NPIPB4: variants seen among roughly 807,000 people sequenced by gnomAD.
The protein encoded by NPIPB4 is nuclear pore complex interacting protein family member B4.
For missense variants in NPIPB4, 105 were observed against 513.7 expected (o/e 0.20, Z 7.69); for synonymous variants, 31 against 194.1 (o/e 0.16, Z 6.99).
chr16:21,845,944 G>A (rs1317930868), intron 3 of NPIPB4, among the ~76,000 whole-genome samples: 1 of 139,668 alleles, frequency 7.2e-6, no homozygotes, highest in Non-Finnish European at 1.5e-5. Flanking sequence ...GGGAGGCTGA[G>A]GTTGGTGGAT....
intron 5 of NPIPB4, among the ~76,000 whole-genome samples, chr16:21,843,121 T>C (rs1597913658): frequency 9.9e-6 from 1 of 101,212 alleles, no homozygotes; most frequent in Non-Finnish European, 1.9e-5. Flanking sequence ...AAGCTCCATC[T>C]CAGGAAAAAA....
intron 2 of NPIPB4, among the ~76,000 whole-genome samples, chr16:21,850,599 G>C (rs1902434438): frequency 7.8e-6 from 1 of 128,358 alleles, no homozygotes; most frequent in African/African-American, 3.1e-5. Flanking sequence ...TTGAACCCCA[G>C]AAGCGGAGGT....
At position 21,835,896 on chromosome 16, in the gene NPIPB4, C is replaced by T. The variant is rs1345272096; in HGVS notation, c.2491G>A (p.Glu831Lys). 2 of 1,256,324 alleles carry T rather than the reference C, an allele frequency of 1.6e-6. 1 individual carries two copies. The highest frequency in any genetic ancestry group is 5.5e-5 in the East Asian group (2 of 36,368). 77.8% of individuals were successfully genotyped at this position (1,256,324 alleles called of 1,614,324 possible). ...GGTGGAAGCGGCCCCCGCAGACGCT[C>T]CCCGCAGACGCTCGGCAGGTGTCTT... ...ISRHLPSVCG[E>K]RLRGPLPPSA... Residue 831 changes from glutamate to lysine, a missense_variant, in exon 8 of 8, where the codon GAG becomes AAG. Coordinates refer to ENST00000682606, the MANE Select transcript of NPIPB4 (RefSeq NM_001384980.1).
At chr16:21,843,146 A>T (rs1901956106) in intron 5 of NPIPB4, among the ~76,000 whole-genome samples, 1 of 129,630 alleles carries the variant, frequency 7.7e-6, no homozygotes, top group Admixed American at 8.3e-5. Context: ...AAAAAAAAAG[A>T]GAAAGGAAAA....
chr16:21,840,678 T>C, intron 5 of NPIPB4: 4 of 471,318 alleles, frequency 8.5e-6, no homozygotes, highest in Non-Finnish European at 1.1e-5. Context: ...CCATAGTTAG[T>C]CCTATTCTTT....
At chr16:21,849,993 G>GGCC (rs1902346348) in intron 2 of NPIPB4, among the ~76,000 whole-genome samples, 1 of 14,894 alleles carries the variant, frequency 6.7e-5, no homozygotes, top group Admixed American at 7.6e-4. Context: ...TGGGCATGGT[G>GGCC]GTTCACGCCT....
Position 21,835,936 on chromosome 16 carries a change from C to G in NPIPB4, c.2451G>C (p.Gln817His). The G allele has an allele frequency of 8.3e-7, 1 of 1,206,336 alleles. No homozygotes were observed. Among genetic ancestry groups the G allele is most frequent in the South Asian group, 1.3e-5 (1 of 74,712 alleles). 74.7% of individuals were successfully genotyped at this position (1,206,336 alleles called of 1,614,324 possible). Residue 817 changes from glutamine (Q) to histidine (H), a missense_variant, in exon 8 of 8, where the codon CAG becomes CAC. Gln to His is a conservative substitution (Grantham distance 24, BLOSUM62 0). Coordinates refer to ENST00000682606, the MANE Select transcript of NPIPB4 (RefSeq NM_001384980.1). ...SLPFHTQLHP[Q>H]QMIISRHLPS... ...GCAGGTGTCTTGATATTATCATCTG[C>G]TGAGGGTGGAGCTGAGTGTGGAAGG...
intron 5 of NPIPB4, among the ~76,000 whole-genome samples, chr16:21,843,069 C>T (rs1238555646): frequency 6.9e-5 from 6 of 86,362 alleles, no homozygotes; most frequent in African/African-American, 2.8e-4. Context: ...AGGCAGTGAG[C>T]TGAGATTGTG....
rs1478075288 is a variant in NPIPB4, at chr16:21,856,287, G to A, written c.120+972C>T. On this transcript the variant is annotated intron_variant, in intron 2 of 7. Transcript: ENST00000682606. ...AGTGAAACTCTGTCTCAAAAAATATGTGTGTGTGTGTGTGTGTGTGTGTGT... is the reference window on the plus strand; with the variant it reads ...AGTGAAACTCTGTCTCAAAAAATATATGTGTGTGTGTGTGTGTGTGTGTGT... Among the ~76,000 whole-genome samples, 12 of 16,912 alleles carry A rather than the reference G, an allele frequency of 7.1e-4. 2 individuals are homozygous for A. Among genetic ancestry groups the A allele is most frequent in the Admixed American group, 4.7e-3 (7 of 1,484 alleles). The allele number at this position is 16,912 out of a possible 152,430, so 11.1% of individuals were successfully genotyped here.
intron 2 of NPIPB4, among the ~76,000 whole-genome samples, chr16:21,849,493 A>T (rs1167630920): frequency 1.8e-4 from 14 of 78,816 alleles, no homozygotes; most frequent in South Asian, 5.5e-4. Flanking sequence ...AAAAAAAAAA[A>T]TTATCAAGGT....
chr16:21,840,684 TC>T (rs1314861984), intron 5 of NPIPB4: 2 of 461,990 alleles, frequency 4.3e-6, no homozygotes, highest in Non-Finnish European at 5.6e-6. Flanking sequence ...TTAGTCCTAT[TC>T]TTTAGTAAAT....
chr16:21,851,539 AAAG>A (rs1902530993), intron 2 of NPIPB4: 1 of 218,176 alleles, frequency 4.6e-6, no homozygotes, highest in African/African-American at 6.1e-5. Context: ...AGGGAGACAA[AAAG>A]GTTCTGCTAT....
intron 2 of NPIPB4, among the ~76,000 whole-genome samples, chr16:21,849,084 T>TA (rs1327191912): frequency 2.0e-3 from 67 of 33,532 alleles, no homozygotes; most frequent in African/African-American, 6.3e-3. Flanking sequence ...TCAGCATAAG[T>TA]AAAAAAAAAA....
chr16:21,850,609 T>G (rs559287423), intron 2 of NPIPB4, among the ~76,000 whole-genome samples: 11 of 117,350 alleles, frequency 9.4e-5, no homozygotes, highest in African/African-American at 4.1e-4. Flanking sequence ...GAAGCGGAGG[T>G]TGCAGTGAGC....
At position 21,837,140 on chromosome 16, in the gene NPIPB4, C is replaced by G. The variant is rs1285540583; in HGVS notation, c.1247G>C (p.Arg416Pro). Residue 416 changes from arginine (R) to proline (P), a missense_variant, in exon 8 of 8, where the codon CGG becomes CCG. Arg to Pro is a moderately radical substitution (Grantham distance 103). Transcript: ENST00000682606. Reference protein sequence around the residue: ...DNIKTPAERLRGPLPPSADDN... With the variant: ...DNIKTPAERLPGPLPPSADDN... ...ATCCGCTGAGGGTGGAAGCGGCCCC[C>G]GCAGACGCTCGGCAGGTGTCTTGAT... 36 of 247,552 alleles carry G rather than the reference C, an allele frequency of 1.5e-4. No homozygotes were observed. Among genetic ancestry groups the G allele is most frequent in the Non-Finnish European group, 2.5e-5 (4 of 163,208 alleles). The allele number at this position is 247,552 out of a possible 1,614,324, so 15.3% of individuals were successfully genotyped here.
intron 2 of NPIPB4, among the ~76,000 whole-genome samples, chr16:21,850,359 G>C: frequency 6.7e-6 from 1 of 149,502 alleles, no homozygotes; most frequent in Non-Finnish European, 1.5e-5. Context: ...TACACTTAAG[G>C]TTATATATTT....
chr16:21,850,380 C>A (rs1360425046), intron 2 of NPIPB4, among the ~76,000 whole-genome samples: 1 of 150,448 alleles, frequency 6.6e-6, no homozygotes, highest in East Asian at 2.0e-4. Context: ...TGGCCAGGCG[C>A]GGTGGCTCAC....
intron 5 of NPIPB4, among the ~76,000 whole-genome samples, chr16:21,842,850 G>T (rs1360481751): frequency 1.3e-5 from 1 of 76,872 alleles, no homozygotes; most frequent in African/African-American, 4.9e-5. Flanking sequence ...AAAAAAAAAG[G>T]CTGGCTGTGG....
chr16:21,850,002 C>CGGA (rs1160789207), intron 2 of NPIPB4, among the ~76,000 whole-genome samples: 4 of 21,208 alleles, frequency 1.9e-4, no homozygotes, highest in African/African-American at 4.5e-4. Flanking sequence ...TGGTTCACGC[C>CGGA]TGTAATCCCA....
Sources: allele counts gnomAD v4.1 joint callset (sites outside exome capture counted in the v4.1 genomes callset), GRCh38; gene constraint gnomAD v4.1.1; transcripts MANE v1.5; gene names NCBI Gene and HGNC (gene_info 2026-07-23, HGNC 2026-07-21).